The following PTBP2 variants were observed in gnomAD, a reference collection of about 807,000 sequenced individuals.
The protein encoded by PTBP2 is polypyrimidine tract binding protein 2, also known as polypyrimidine tract-binding protein 2.
Under a neutral mutation model 61.4 loss-of-function variants are expected in PTBP2, and 13 were observed. The ratio of observed to expected loss-of-function variants is 0.21; its 90% CI spans 0.14 to 0.34. The LOEUF is 0.34. Ranked by LOEUF, PTBP2 falls within the 10% of genes least tolerant of loss-of-function variation. PTBP2 has a pLI of 1.00. For synonymous variants in PTBP2, 215 were observed against 218.5 expected (o/e 0.98, Z 0.14); for missense variants, 405 against 642.6 (o/e 0.63, Z 4.00).
At chr1:96,722,436 G>A (rs1286273019) in intron 1 of PTBP2, among the ~76,000 whole-genome samples, 4 of 151,844 alleles carry the variant, frequency 2.6e-5, no homozygotes, top group Non-Finnish European at 5.9e-5. Context: ...GGGAGCCGCT[G>A]GGGAAGGGGG....
intron 2 of PTBP2, among the ~76,000 whole-genome samples, chr1:96,735,785 T>C (rs1213770999): frequency 6.6e-6 from 1 of 152,148 alleles, no homozygotes; most frequent in Non-Finnish European, 1.5e-5. Context: ...CTAACAAACA[T>C]CTAATTAGCG....
chr1:96,737,558 G>T (rs1433427013), intron 2 of PTBP2, among the ~76,000 whole-genome samples: 1 of 152,142 alleles, frequency 6.6e-6, no homozygotes, highest in African/African-American at 2.4e-5. Context: ...GCCTTTAAGG[G>T]CAAAATTTTC....
At chr1:96,796,673 A>T (rs1278574555) in intron 8 of PTBP2, among the ~76,000 whole-genome samples, 1 of 152,184 alleles carries the variant, frequency 6.6e-6, no homozygotes, top group African/African-American at 2.4e-5. Flanking sequence ...ACAGAATGTA[A>T]GACTGGATTT....
intron 2 of PTBP2, among the ~76,000 whole-genome samples, chr1:96,730,444 T>C (rs1651244851): frequency 6.6e-6 from 1 of 152,172 alleles, no homozygotes; most frequent in Non-Finnish European, 1.5e-5. Context: ...CTTTGACCCA[T>C]GGGTTATTGG....
chr1:96,793,266 A>T (rs1660037148), intron 8 of PTBP2, among the ~76,000 whole-genome samples: 1 of 152,190 alleles, frequency 6.6e-6, no homozygotes, highest in Non-Finnish European at 1.5e-5. Context: ...GCTATAGCTG[A>T]ATTTTTAAAA....
chr1:96,785,335 T>C lies in PTBP2; in HGVS notation c.904+81T>C, dbSNP rs544455941. On this transcript the variant is annotated intron_variant, in intron 8 of 13. Coordinates refer to ENST00000674951, the MANE Select transcript of PTBP2 (RefSeq NM_021190.4). ...CCAGTAAGTATAATGAATCCCCCCA[T>C]TTTGGACCTTACCAAATTGTGTTAG... 294 of 1,117,220 alleles carry C rather than the reference T, an allele frequency of 2.6e-4. 2 individuals carry two copies. The highest frequency in any genetic ancestry group is 2.1e-3 in the South Asian group (109 of 52,070). 69.2% of individuals were successfully genotyped at this position (1,117,220 alleles called of 1,614,324 possible).
chr1:96,747,152 A>T lies in PTBP2; in HGVS notation c.40-4273A>T, dbSNP rs1422061981. Among the ~76,000 whole-genome samples the T allele has an allele frequency of 2.0e-5, 3 of 151,188 alleles. No individual in the cohort carries two copies. In the Admixed American group the frequency reaches 2.0e-4, roughly 10 times the overall value. ...ATACAGATTCTTAATGTATAGTTTT[A>T]ATGTGGCCACAAATTCCCTTTGCAT... On this transcript the variant is annotated intron_variant, in intron 2 of 13. Transcript: ENST00000674951.
intron 2 of PTBP2, among the ~76,000 whole-genome samples, chr1:96,734,214 T>A (rs1191902229): frequency 6.6e-6 from 1 of 152,170 alleles, no homozygotes; most frequent in Admixed American, 6.5e-5. Flanking sequence ...TAGTAACCCA[T>A]AGCTAAAATG....
chr1:96,787,606 G>T (rs1422092539), intron 8 of PTBP2, among the ~76,000 whole-genome samples: 1 of 152,088 alleles, frequency 6.6e-6, no homozygotes, highest in African/African-American at 2.4e-5. Context: ...GTGAGTTAAA[G>T]GTTTTAAAAA....
intron 2 of PTBP2, among the ~76,000 whole-genome samples, chr1:96,740,509 T>G (rs1652857026): frequency 6.6e-6 from 1 of 152,112 alleles, no homozygotes; most frequent in Non-Finnish European, 1.5e-5. Flanking sequence ...TGCATCACAT[T>G]TGGGGTTAGG....
At chr1:96,805,529 A>AC (rs1403610352) in intron 9 of PTBP2, among the ~76,000 whole-genome samples, 1 of 147,590 alleles carries the variant, frequency 6.8e-6, no homozygotes, top group Non-Finnish European at 1.5e-5. Flanking sequence ...CACCCCCTCC[A>AC]CCCAGTTAAA....
chr1:96,777,091 A>C (rs1352977198), intron 5 of PTBP2, among the ~76,000 whole-genome samples: 1 of 152,102 alleles, frequency 6.6e-6, no homozygotes, highest in Non-Finnish European at 1.5e-5. Flanking sequence ...TCAGAAGTTA[A>C]GTGTAGTATG....
chr1:96,799,875 C>A (rs1660797882), intron 8 of PTBP2, among the ~76,000 whole-genome samples: 1 of 152,006 alleles, frequency 6.6e-6, no homozygotes, highest in Non-Finnish European at 1.5e-5. Context: ...CCTAAAAATA[C>A]CTGATTGACA....
intron 11 of PTBP2, among the ~76,000 whole-genome samples, chr1:96,811,102 T>A (rs988593209): frequency 6.6e-6 from 1 of 151,924 alleles, no homozygotes; most frequent in Non-Finnish European, 1.5e-5. Flanking sequence ...GTAAGTTCAA[T>A]GGCTAGTGGT....
Position 96,813,230 on chromosome 1 carries a change from TTC to T in PTBP2, c.1467-44_1467-43del, listed in dbSNP as rs763365601. On this transcript the variant is annotated intron_variant, in intron 13 of 13. Coordinates refer to ENST00000674951, the MANE Select transcript of PTBP2 (RefSeq NM_021190.4). ...AAAATTCAAGTATTTAATAAGCCCT[TTC>T]TAATTTGTATGAAGTGTCTAATTTT... is the stretch of plus-strand genomic sequence containing the variant. 9 of 1,564,870 alleles carry T rather than the reference TTC, an allele frequency of 5.8e-6. No homozygotes were observed. The Admixed American group carries it at 1.8e-4, about 32-fold the overall frequency.
chr1:96,731,986 G>A (rs547429227), intron 2 of PTBP2, among the ~76,000 whole-genome samples: 32 of 152,258 alleles, frequency 2.1e-4, no homozygotes, highest in South Asian at 1.2e-3. Flanking sequence ...CTTTTTAGAT[G>A]TAGATTTTAA....
At chr1:96,736,976 T>TTTTC (rs151189985) in intron 2 of PTBP2, among the ~76,000 whole-genome samples, 2,857 of 151,114 alleles carry the variant, frequency 0.019, 92 homozygotes, top group African/African-American at 0.065. Flanking sequence ...CTGGCCACCT[T>TTTTC]TTTCTTTCTT....
rs139430086 is a variant in PTBP2 at position 96,743,346 on chromosome 1, C to T, written c.40-8079C>T. 3.9e-3 allele frequency among the ~76,000 whole-genome samples: 592 copies of T among 151,614 alleles called. 3 individuals are homozygous for T. Among genetic ancestry groups the T allele is most frequent in the Non-Finnish European group, 6.8e-3 (462 of 67,950 alleles). ...CCGCTGTGTTGTCATTTCATATGTT[C>T]TTCATGTAAACAAGTTTACCTGAAA... On this transcript the variant is annotated intron_variant, in intron 2 of 13. Coordinates refer to ENST00000674951, the MANE Select transcript of PTBP2 (RefSeq NM_021190.4).
At chr1:96,769,457 CTT>C (rs1167099468) in intron 3 of PTBP2, among the ~76,000 whole-genome samples, 1 of 151,820 alleles carries the variant, frequency 6.6e-6, no homozygotes, top group African/African-American at 2.4e-5. Flanking sequence ...AATAATTACT[CTT>C]TATAATACTG....
Sources: allele counts gnomAD v4.1 joint callset (sites outside exome capture counted in the v4.1 genomes callset), GRCh38; gene constraint gnomAD v4.1.1; transcripts MANE v1.5; gene names NCBI Gene and HGNC (gene_info 2026-07-23, HGNC 2026-07-21).